Variants in FOXN3 observed in about 807,000 individuals in gnomAD.
The protein encoded by FOXN3 is forkhead box protein N3.
Under a neutral mutation model 38.4 loss-of-function variants are expected in FOXN3, and 7 were observed. The observed-to-expected ratio is 0.18, with a 90% CI of 0.10 to 0.34. FOXN3 has a LOEUF of 0.34. Ranked by LOEUF, FOXN3 falls within the 10% of genes least tolerant of loss-of-function variation. The pLI is 1.00. For missense variants in FOXN3, 456 were observed against 613.4 expected, an observed-to-expected ratio of 0.74 and a Z score of 2.71; for synonymous variants, 230 against 242.2, an observed-to-expected ratio of 0.95 and a Z score of 0.47.
At chr14:89,603,528 T>C (rs1437178488) in intron 1 of FOXN3, among the ~76,000 whole-genome samples, 1 of 152,246 alleles carries the variant, frequency 6.6e-6, no homozygotes, top group East Asian at 1.9e-4. Flanking sequence ...GTACCGTAGT[T>C]GGCCAAAGGC....
intron 1 of FOXN3, among the ~76,000 whole-genome samples, chr14:89,588,961 G>C (rs1262738575): frequency 2.6e-5 from 4 of 152,136 alleles, no homozygotes; most frequent in Admixed American, 6.5e-5. Flanking sequence ...CTTTTAAAGG[G>C]TGTACAATGT....
At chr14:89,433,308 C>G (rs1252755180) in intron 1 of FOXN3, among the ~76,000 whole-genome samples, 2 of 151,980 alleles carry the variant, frequency 1.3e-5, no homozygotes, top group African/African-American at 4.8e-5. Flanking sequence ...CTGGTGAAAC[C>G]CCATCTCTAC....
intron 3 of FOXN3, chr14:89,290,248 G>C: frequency 3.1e-6 from 1 of 324,790 alleles, no homozygotes; most frequent in South Asian, 2.8e-5. Flanking sequence ...ACTGCTCAGG[G>C]ACAGGAAATT....
intron 4 of FOXN3, among the ~76,000 whole-genome samples, chr14:89,260,075 A>T (rs1186419574): frequency 6.6e-6 from 1 of 152,246 alleles, no homozygotes; most frequent in African/African-American, 2.4e-5. Flanking sequence ...GGGCAGTGTG[A>T]ATGGATCATT....
At chr14:89,595,727 T>C (rs1596328055) in intron 1 of FOXN3, among the ~76,000 whole-genome samples, 1 of 152,222 alleles carries the variant, frequency 6.6e-6, no homozygotes, top group Admixed American at 6.5e-5. Context: ...TGCTGTGCAA[T>C]AATGAATAGA....
intron 2 of FOXN3, chr14:89,351,189 GC>G (rs1888955274): frequency 6.4e-6 from 1 of 155,090 alleles, no homozygotes; most frequent in South Asian, 2.1e-4. Context: ...AAAAAAGAGG[GC>G]CGAGACACCC....
chr14:89,575,088 T>C (rs921680431), intron 1 of FOXN3, among the ~76,000 whole-genome samples: 2 of 152,190 alleles, frequency 1.3e-5, no homozygotes, highest in African/African-American at 2.4e-5. Flanking sequence ...AGGTTGTCTA[T>C]ACTGACTCTG....
At chr14:89,290,937 C>G in intron 3 of FOXN3, 1 of 316,976 alleles carries the variant, frequency 3.2e-6, no homozygotes, top group Non-Finnish European at 6.2e-6. Flanking sequence ...AAAGGTCAGG[C>G]CCTCAGGAGA....
intron 4 of FOXN3, among the ~76,000 whole-genome samples, chr14:89,276,085 T>C (rs534133077): frequency 6.6e-6 from 1 of 152,312 alleles, no homozygotes; most frequent in East Asian, 1.9e-4. Flanking sequence ...GAGACCAGCC[T>C]GGCCAACACA....
At chr14:89,607,341 T>C (rs1896293936) in intron 1 of FOXN3, among the ~76,000 whole-genome samples, 1 of 152,004 alleles carries the variant, frequency 6.6e-6, no homozygotes, top group African/African-American at 2.4e-5. Context: ...GGCGGATCAC[T>C]TGAGGTCAGG....
chr14:89,218,770 A>C lies in FOXN3; in HGVS notation c.746-37964T>G, dbSNP rs377246771. On this transcript the variant is annotated intron_variant, in intron 4 of 5. Transcript: ENST00000557258. ...GCTGCTTTTCTAGGGAAAGTGACTC[A>C]AAAGAGACTTTCTGGGTCTTGCTTT... Among the ~76,000 whole-genome samples the C allele has an allele frequency of 1.6e-4, 24 of 152,276 alleles. 1 individual carries two copies. In the East Asian group the frequency reaches 3.1e-3, roughly 20 times the overall value.
At chr14:89,250,158 T>C (rs1885412568) in intron 4 of FOXN3, among the ~76,000 whole-genome samples, 2 of 152,258 alleles carry the variant, frequency 1.3e-5, no homozygotes, top group Non-Finnish European at 2.9e-5. Context: ...TTGCCCAGGC[T>C]GAAGTACAGT....
intron 3 of FOXN3, among the ~76,000 whole-genome samples, chr14:89,283,706 C>T (rs1302141309): frequency 6.6e-6 from 1 of 151,978 alleles, no homozygotes; most frequent in Admixed American, 6.6e-5. Context: ...ACCATGGGGG[C>T]CCCTTGTTAA....
At chr14:89,403,038 G>A (rs949258525) in intron 2 of FOXN3, among the ~76,000 whole-genome samples, 1 of 152,174 alleles carries the variant, frequency 6.6e-6, no homozygotes, top group African/African-American at 2.4e-5. Context: ...TTGGGAAAGG[G>A]AAGCCAGCCT....
intron 1 of FOXN3, among the ~76,000 whole-genome samples, chr14:89,472,604 C>T (rs560080565): frequency 2.6e-5 from 4 of 151,594 alleles, no homozygotes; most frequent in African/African-American, 9.7e-5. Flanking sequence ...GCCTGCAGTC[C>T]CAGCTACTAG....
intron 1 of FOXN3, among the ~76,000 whole-genome samples, chr14:89,516,137 GT>G (rs11303080): frequency 0.26 from 39,851 of 152,118 alleles, 5,995 homozygotes; most frequent in Non-Finnish European, 0.33. Flanking sequence ...CAGCATTATT[GT>G]TTGTGAGGCA....
chr14:89,500,142 C>T lies in FOXN3; in HGVS notation c.-14-87652G>A, dbSNP rs12432838. Among the ~76,000 whole-genome samples the T allele has an allele frequency of 4.8e-3, 736 of 152,224 alleles. 8 individuals carry two copies. Among genetic ancestry groups the T allele is most frequent in the African/African-American group, 0.017 (702 of 41,534 alleles). ...TGCTGGGGTTACAGGCGTGAGCCACCGCACTCAGCCAGCTTGGGTTTTTTA... is the reference window on the plus strand; with the variant it reads ...TGCTGGGGTTACAGGCGTGAGCCACTGCACTCAGCCAGCTTGGGTTTTTTA... On this transcript the variant is annotated intron_variant, in intron 1 of 6. Coordinates refer to the FOXN3 transcript ENST00000345097.
chr14:89,282,417 G>T (rs187662940), intron 3 of FOXN3, among the ~76,000 whole-genome samples: 1 of 152,182 alleles, frequency 6.6e-6, no homozygotes, highest in African/African-American at 2.4e-5. Context: ...GGTAACAGCA[G>T]ACCGGACTGG....
At chr14:89,329,077 A>AT (rs1161936770) in intron 3 of FOXN3, among the ~76,000 whole-genome samples, 1 of 152,110 alleles carries the variant, frequency 6.6e-6, no homozygotes, top group Non-Finnish European at 1.5e-5. Flanking sequence ...AGTAGATGAT[A>AT]TAAGAGAGGC....
Sources: allele counts gnomAD v4.1 joint callset (sites outside exome capture counted in the v4.1 genomes callset), GRCh38; gene constraint gnomAD v4.1.1; transcripts MANE v1.5; gene names NCBI Gene and HGNC (gene_info 2026-07-23, HGNC 2026-07-21).